Variants in ADGRE3 observed in about 807,000 individuals in gnomAD.
ADGRE3 encodes adhesion G protein-coupled receptor E3.
A neutral mutation model predicts 80.1 loss-of-function variants in ADGRE3; 88 were observed. That is an observed-to-expected ratio of 1.10 (90% CI 0.93 to 1.31). ADGRE3 has a LOEUF of 1.31. Ranked by LOEUF, ADGRE3 falls within the 40% of genes most tolerant of loss-of-function variation. The pLI is 0.00. For synonymous variants in ADGRE3, 281 were observed against 294.8 expected (o/e 0.95, Z 0.48); for missense variants, 715 against 776.5 (o/e 0.92, Z 0.94).
rs1971153882 is a variant in ADGRE3 at position 14,638,221 on chromosome 19, G to A, written c.1368C>T (p.Tyr456=). Residue 456 remains tyrosine, a synonymous_variant, in exon 11 of 16, where the codon TAC becomes TAT. Coordinates refer to ENST00000253673, the MANE Select transcript of ADGRE3 (RefSeq NM_032571.5). ...ACTTCATGAGTCTATTGATGCTTGA[G>A]TAGTTGACCACTGTCAGGTTCCGTG... ...LTARNLTVVN[Y]SSINRLMKWI... The A allele has an allele frequency of 1.2e-6, 2 of 1,613,982 alleles. No individual in the cohort carries two copies. The highest frequency in any genetic ancestry group is 2.2e-5 in the East Asian group (1 of 44,886).
intron 15 of ADGRE3, among the ~76,000 whole-genome samples, 191 bp downstream of exon 15, chr19:14,625,301 G>T (rs540845135): frequency 6.6e-6 from 1 of 152,202 alleles, no homozygotes; most frequent in South Asian, 2.1e-4. Context: ...TAATACCTAG[G>T]TAATGGGTTG....
chr19:14,620,546 T>TA (rs1411633414), intron 15 of ADGRE3, among the ~76,000 whole-genome samples: 7 of 16,488 alleles, frequency 4.2e-4, no homozygotes, highest in African/African-American at 2.5e-3. Flanking sequence ...TTTATATATA[T>TA]ATTATATATA....
Position 14,649,114 on chromosome 19 carries a change from A to G in ADGRE3, c.698-1749T>C, listed in dbSNP as rs541620487. On this transcript the variant is annotated intron_variant, in intron 7 of 15. Transcript: ENST00000253673. ...TCCATCTTTCTCCCCATCTCTCCCC[A>G]TCTCTCGAATTCCGTCTCTCTCTCC... Among the ~76,000 whole-genome samples the G allele has an allele frequency of 3.3e-4, 33 of 99,716 alleles. No homozygotes were observed. In the South Asian group the frequency reaches 8.7e-3, roughly 26 times the overall value. The allele number at this position is 99,716 out of a possible 152,430, so 65.4% of individuals were successfully genotyped here.
chr19:14,658,638 C>T, intron 4 of ADGRE3, 88 bp from the exon 5 acceptor site: 2 of 745,754 alleles, frequency 2.7e-6, no homozygotes, highest in Non-Finnish European at 2.1e-6. Flanking sequence ...ATGGGGTGAG[C>T]AACTTTGCAC....
downstream of ADGRE3, among the ~76,000 whole-genome samples, chr19:14,617,483 T>G (rs938291599): frequency 1.3e-5 from 2 of 151,116 alleles, no homozygotes; most frequent in African/African-American, 4.9e-5. Context: ...CTGCAACCTC[T>G]GCCTCCTGGG....
At chr19:14,649,186 C>T (rs1239270297) in intron 7 of ADGRE3, among the ~76,000 whole-genome samples, 5 of 149,824 alleles carry the variant, frequency 3.3e-5, no homozygotes, top group East Asian at 2.0e-4. Context: ...CTTTCCACCT[C>T]TCTCCCTCTC....
chr19:14,616,004 C>T (rs879635920), downstream of ADGRE3, among the ~76,000 whole-genome samples: 3 of 150,996 alleles, frequency 2.0e-5, no homozygotes, highest in Non-Finnish European at 3.0e-5. Context: ...GCTCTGTCGC[C>T]CACTGTAACC....
chr19:14,620,462 ATGAATATAT>A (rs1243810522), intron 15 of ADGRE3, among the ~76,000 whole-genome samples: 4,826 of 134,394 alleles, frequency 0.036, 226 homozygotes, highest in East Asian at 0.046. Context: ...ATATGAATAT[ATGAATATAT>A]TATGAGTACA....
the ADGRE3 span, chr19:14,610,143 C>T: frequency 6.2e-7 from 1 of 1,604,046 alleles, no homozygotes; most frequent in African/African-American, 1.3e-5. Flanking sequence ...CTGGAATGAT[C>T]TCTCTTGCTA....
At chr19:14,611,677 A>G in the ADGRE3 span, among the ~76,000 whole-genome samples, 2 of 152,212 alleles carry the variant, frequency 1.3e-5, no homozygotes, top group East Asian at 1.9e-4. Context: ...CCCTTGAGCT[A>G]TCTGTGGGTT....
At chr19:14,660,200 A>G (rs1971905386) in intron 4 of ADGRE3, among the ~76,000 whole-genome samples, 1 of 152,206 alleles carries the variant, frequency 6.6e-6, no homozygotes. Context: ...CAGACCTCTT[A>G]ACATTAGGAA....
intron 10 of ADGRE3, among the ~76,000 whole-genome samples, chr19:14,639,261 T>C (rs930543123): frequency 6.6e-5 from 10 of 152,198 alleles, no homozygotes; most frequent in Admixed American, 2.6e-4. Flanking sequence ...ATATGTTTAT[T>C]ATCCTGGTTT....
chr19:14,603,305 G>T, the ADGRE3 span, among the ~76,000 whole-genome samples: 8,805 of 152,028 alleles, frequency 0.058, 773 homozygotes, highest in African/African-American at 0.19. Flanking sequence ...ACTCCAAACT[G>T]GTATCTACTG....
downstream of ADGRE3, among the ~76,000 whole-genome samples, chr19:14,618,571 C>T (rs1599594720): frequency 6.7e-6 from 1 of 149,760 alleles, no homozygotes; most frequent in East Asian, 2.0e-4. Flanking sequence ...AATAAGTTAG[C>T]CTGGGCCGGG....
At chr19:14,604,518 T>C in the ADGRE3 span, among the ~76,000 whole-genome samples, 2 of 152,152 alleles carry the variant, frequency 1.3e-5, no homozygotes, top group African/African-American at 2.4e-5. Flanking sequence ...ATCCCAGCAC[T>C]TTGCGAGGCC....
At chr19:14,669,319 T>C (rs1972188848) in intron 1 of ADGRE3, among the ~76,000 whole-genome samples, 1 of 151,820 alleles carries the variant, frequency 6.6e-6, no homozygotes, top group Admixed American at 6.6e-5. Flanking sequence ...AAGCAGAAAA[T>C]CAAATATTGT....
intron 4 of ADGRE3, among the ~76,000 whole-genome samples, chr19:14,660,886 G>A (rs1278678814): frequency 6.7e-6 from 1 of 148,794 alleles, no homozygotes. Flanking sequence ...TCTTTGGTTG[G>A]TTGGGGCAAA....
intron 2 of ADGRE3, among the ~76,000 whole-genome samples, chr19:14,666,442 T>C (rs1273474020): frequency 6.6e-6 from 1 of 151,682 alleles, no homozygotes; most frequent in Non-Finnish European, 1.5e-5. Flanking sequence ...AGAGGTGTGA[T>C]CTCAGCTCAC....
At chr19:14,638,746 C>T (rs965451716) in intron 10 of ADGRE3, among the ~76,000 whole-genome samples, 5 of 152,134 alleles carry the variant, frequency 3.3e-5, no homozygotes, top group Non-Finnish European at 5.9e-5. Flanking sequence ...TCCTTTTAAA[C>T]TAAGACTTTG....
Sources: allele counts gnomAD v4.1 joint callset (sites outside exome capture counted in the v4.1 genomes callset), GRCh38; gene constraint gnomAD v4.1.1; transcripts MANE v1.5; gene names NCBI Gene and HGNC (gene_info 2026-07-23, HGNC 2026-07-21).